Variants in EXOC4 observed in about 807,000 individuals in gnomAD.
EXOC4 encodes SEC8-like 1.
A neutral mutation model predicts 107.2 loss-of-function variants in EXOC4; 71 were observed. The observed-to-expected ratio is 0.66, with a 90% CI of 0.55 to 0.81. The LOEUF is 0.81. Among genes scored for constraint, EXOC4 ranks in the 30% least tolerant of loss-of-function variants. The pLI is 0.00. For synonymous variants in EXOC4, 456 were observed against 441.2 expected (o/e 1.03, Z -0.42); for missense variants, 1,108 against 1,189.6 (o/e 0.93, Z 1.01).
At chr7:133,696,553 C>G (rs1794537560) in intron 10 of EXOC4, among the ~76,000 whole-genome samples, 1 of 152,122 alleles carries the variant, frequency 6.6e-6, no homozygotes, top group Non-Finnish European at 1.5e-5. Flanking sequence ...TTTTTTTCCC[C>G]ATGTACCTTA....
At chr7:133,844,935 T>A (rs1281141566) in intron 11 of EXOC4, among the ~76,000 whole-genome samples, 1 of 152,210 alleles carries the variant, frequency 6.6e-6, no homozygotes, top group Non-Finnish European at 1.5e-5. Context: ...TTTTCTACTT[T>A]ATAGCAAATT....
chr7:133,851,346 T>C (rs1035381157), intron 11 of EXOC4, among the ~76,000 whole-genome samples: 1 of 152,164 alleles, frequency 6.6e-6, no homozygotes, highest in Non-Finnish European at 1.5e-5. Context: ...AGGTGGTATG[T>C]TTTTTATTTT....
intron 11 of EXOC4, among the ~76,000 whole-genome samples, chr7:133,857,170 A>G (rs13310043): frequency 8.2e-4 from 13 of 15,764 alleles, no homozygotes; most frequent in African/African-American, 1.3e-3. Flanking sequence ...ATATATATAT[A>G]TATATATATA....
At chr7:133,809,136 G>A (rs989573361) in intron 10 of EXOC4, among the ~76,000 whole-genome samples, 7 of 152,046 alleles carry the variant, frequency 4.6e-5, no homozygotes, top group Non-Finnish European at 1.0e-4. Flanking sequence ...ACTGTTGTTT[G>A]CATTCTTTAC....
In EXOC4 at chr7:133,567,908, T is replaced by C. The variant is rs1800939337; in HGVS notation, c.1418-62137T>C. ...TTGAAGGTTCTACCTGTCAACCCTC[T>C]TACAATGGCAATTAAATTTCAACAT... On this transcript the variant is annotated intron_variant, in intron 9 of 17. Transcript: ENST00000253861. Among the ~76,000 whole-genome samples, 3 of 152,202 alleles carry C rather than the reference T, an allele frequency of 2.0e-5. No homozygotes were observed. In the East Asian group the frequency reaches 5.8e-4, roughly 29 times the overall value.
At position 133,446,323 on chromosome 7, in the gene EXOC4, A is replaced by T. The variant is rs942987571; in HGVS notation, c.1183-29005A>T. 2.6e-5 allele frequency among the ~76,000 whole-genome samples: 4 copies of T among 152,076 alleles called. No homozygotes were observed. The South Asian group carries it at 8.3e-4, about 31-fold the overall frequency. On this transcript the variant is annotated intron_variant, in intron 7 of 17. Transcript: ENST00000253861. ...AGGGAGACTTTATTCCATTTTTTGG[A>T]TTGAGAGAGATGCTTTTTATTTTTC...
In EXOC4 at chr7:134,064,286, C is replaced by A; in HGVS notation, c.2688-5C>A. 7.0e-7 allele frequency: 1 copy of A among 1,424,438 alleles called. No individual in the cohort carries two copies. Among genetic ancestry groups the A allele is most frequent in the Non-Finnish European group, 9.3e-7 (1 of 1,077,798 alleles). 88.2% of individuals were successfully genotyped at this position (1,424,438 alleles called of 1,614,324 possible). On this transcript the variant is annotated splice_polypyrimidine_tract_variant and splice_region_variant and intron_variant, in intron 17 of 17. Transcript: ENST00000253861. ...AGTGAGCAGTGTTCTCTCTTGCTTT[C>A]TCAGGCAGTACTACGAGATGCTTTA...
At chr7:134,041,674 G>T (rs1349817625) in intron 17 of EXOC4, among the ~76,000 whole-genome samples, 2 of 152,110 alleles carry the variant, frequency 1.3e-5, no homozygotes. Flanking sequence ...ACTAATTAAA[G>T]ATTTAGATAA....
At chr7:133,272,993 A>G (rs1793908019) in intron 1 of EXOC4, among the ~76,000 whole-genome samples, 1 of 152,232 alleles carries the variant, frequency 6.6e-6, no homozygotes, top group Non-Finnish European at 1.5e-5. Context: ...AGCGGAAATC[A>G]TGAAAAGCCT....
At chr7:134,034,511 T>A (rs1213723531) in intron 17 of EXOC4, among the ~76,000 whole-genome samples, 2 of 152,172 alleles carry the variant, frequency 1.3e-5, no homozygotes, top group Non-Finnish European at 2.9e-5. Flanking sequence ...TCCCCCATGT[T>A]TTTCTCGTGA....
At chr7:133,879,353 C>G (rs1264114212) in intron 11 of EXOC4, among the ~76,000 whole-genome samples, 1 of 152,094 alleles carries the variant, frequency 6.6e-6, no homozygotes, top group Non-Finnish European at 1.5e-5. Context: ...GTCGGCCTCC[C>G]TAAGTGCTGG....
chr7:133,963,368 G>A (rs1028437811), intron 14 of EXOC4, among the ~76,000 whole-genome samples: 9 of 152,214 alleles, frequency 5.9e-5, no homozygotes, highest in Admixed American at 2.6e-4. Flanking sequence ...CATCAGCCTC[G>A]CATAAGTACT....
intron 10 of EXOC4, among the ~76,000 whole-genome samples, chr7:133,803,956 GTTTACTGTTAGTTCACTTT>G (rs1162078007): frequency 6.6e-6 from 1 of 152,024 alleles, no homozygotes; most frequent in Non-Finnish European, 1.5e-5. Context: ...ATTTAGTTTG[GTTTACTGTTAGTTCACTTT>G]TGATGTGAAT....
Position 134,065,198 on chromosome 7 carries a change from T to C in EXOC4, c.*670T>C, listed in dbSNP as rs1343814652. 1.3e-5 allele frequency: 2 copies of C among 152,454 alleles called. No homozygotes were observed. Among genetic ancestry groups the C allele is most frequent in the African/African-American group, 4.8e-5 (2 of 41,452 alleles). The allele number at this position is 152,454 out of a possible 1,614,324, so 9.4% of individuals were successfully genotyped here. On this transcript the variant is annotated 3_prime_UTR_variant, in exon 18 of 18. Transcript: ENST00000253861. ...TGTAGGTTGGTTTATTGCCATTTTGTTTTATTTCTGCTGTATAAAAACCAA... is the reference window on the plus strand; with the variant it reads ...TGTAGGTTGGTTTATTGCCATTTTGCTTTATTTCTGCTGTATAAAAACCAA...
chr7:133,449,969 C>G (rs1453357375), intron 7 of EXOC4, among the ~76,000 whole-genome samples: 2 of 151,906 alleles, frequency 1.3e-5, no homozygotes, highest in Non-Finnish European at 2.9e-5. Flanking sequence ...GCTTTCTCTT[C>G]TGAAGTTGCA....
chr7:133,289,474 A>G (rs1056803273), intron 3 of EXOC4, among the ~76,000 whole-genome samples: 5 of 152,258 alleles, frequency 3.3e-5, no homozygotes, highest in African/African-American at 1.2e-4. Flanking sequence ...GAAGATTTAT[A>G]GACTAGTGTT....
At chr7:134,049,168 C>T (rs1054104767) in intron 17 of EXOC4, among the ~76,000 whole-genome samples, 3 of 152,174 alleles carry the variant, frequency 2.0e-5, no homozygotes, top group Admixed American at 6.5e-5. Flanking sequence ...AAACATGTAA[C>T]CTTTTTGTTC....
intron 13 of EXOC4, chr7:133,930,330 G>C (rs1563061127): frequency 6.6e-6 from 1 of 152,146 alleles, no homozygotes; most frequent in East Asian, 1.9e-4. Flanking sequence ...CAATATCTAT[G>C]AAGCAAAGTT....
chr7:133,317,224 G>A, intron 4 of EXOC4, 60 bp from the exon 5 acceptor site: 2 of 1,183,064 alleles, frequency 1.7e-6, no homozygotes, highest in Non-Finnish European at 1.3e-6. Flanking sequence ...TGGGGCTGTA[G>A]TGGGAGGACT....
Sources: gnomAD v4.1 joint callset for allele counts (sites outside exome capture counted in the v4.1 genomes callset) on GRCh38, gnomAD v4.1.1 for gene constraint, MANE v1.5 for transcripts, NCBI Gene and HGNC (gene_info 2026-07-23, HGNC 2026-07-21) for gene names.